SORCS2: variants seen among roughly 807,000 people sequenced by gnomAD.
The protein encoded by SORCS2 is sortilin related VPS10 domain containing receptor 2.
SORCS2 carries 100 observed loss-of-function variants against 141.6 expected under a neutral mutation model. The ratio of observed to expected loss-of-function variants is 0.71; its 90% CI spans 0.60 to 0.83. SORCS2 has a LOEUF of 0.83. Among genes scored for constraint, SORCS2 ranks in the 40% least tolerant of loss-of-function variants. The pLI is 0.00. For missense variants in SORCS2, 1,646 were observed against 1,560.2 expected (o/e 1.05, Z -0.93); for synonymous variants, 789 against 676.9 (o/e 1.17, Z -2.57).
intron 23 of SORCS2, among the ~76,000 whole-genome samples, chr4:7,732,041 A>G (rs950680329): frequency 5.9e-5 from 9 of 152,242 alleles, no homozygotes; most frequent in African/African-American, 2.2e-4. Flanking sequence ...AGATTCATGA[A>G]GCATACCTCT....
intron 2 of SORCS2, among the ~76,000 whole-genome samples, chr4:7,521,124 A>G (rs1733303952): frequency 6.6e-6 from 1 of 152,042 alleles, no homozygotes; most frequent in Non-Finnish European, 1.5e-5. Context: ...AAGTGATAGT[A>G]AGGTCTCGGT....
At chr4:7,480,978 G>A (rs188953726) in intron 2 of SORCS2, among the ~76,000 whole-genome samples, 126 of 152,362 alleles carry the variant, frequency 8.3e-4, no homozygotes, top group Admixed American at 7.0e-3. Context: ...TGAGGTGACA[G>A]GAGAGGTGGC....
At chr4:7,697,995 G>A (rs1057131921) in intron 12 of SORCS2, among the ~76,000 whole-genome samples, 1 of 152,140 alleles carries the variant, frequency 6.6e-6, no homozygotes, top group Middle Eastern at 3.2e-3. Context: ...ATGGCCCTCA[G>A]GGTGTGGAGA....
chr4:7,417,021 G>T (rs142687712), intron 2 of SORCS2, among the ~76,000 whole-genome samples: 2 of 152,274 alleles, frequency 1.3e-5, no homozygotes, highest in East Asian at 3.9e-4. Context: ...CCTGCTCTTT[G>T]CATTAAAGTG....
At chr4:7,213,712 C>T (rs1338335909) in intron 1 of SORCS2, among the ~76,000 whole-genome samples, 1 of 152,138 alleles carries the variant, frequency 6.6e-6, no homozygotes, top group Non-Finnish European at 1.5e-5. Context: ...AGAGTTCTCC[C>T]CCTGGGAACA....
intron 1 of SORCS2, among the ~76,000 whole-genome samples, chr4:7,255,863 A>T (rs1280005261): frequency 0.012 from 103 of 8,646 alleles, no homozygotes; most frequent in Admixed American, 0.072. Flanking sequence ...CCGGGGCTGG[A>T]GCGTGGGGCC....
chr4:7,413,908 G>A (rs774689529), intron 2 of SORCS2, among the ~76,000 whole-genome samples: 13 of 152,056 alleles, frequency 8.5e-5, no homozygotes, highest in African/African-American at 1.2e-4. Context: ...CCTGCCTATC[G>A]GATTGCAGGG....
chr4:7,547,405 C>T (rs1278724108), intron 3 of SORCS2, among the ~76,000 whole-genome samples: 1 of 152,220 alleles, frequency 6.6e-6, no homozygotes, highest in Non-Finnish European at 1.5e-5. Context: ...GAGCCTTTTG[C>T]CAGCCTTCTG....
At chr4:7,638,631 C>T (rs976113505) in intron 4 of SORCS2, 139 bp downstream of exon 4, 10 of 873,104 alleles carry the variant, frequency 1.1e-5, no homozygotes, top group Admixed American at 6.6e-5. Flanking sequence ...GGCTGGGGGC[C>T]GGGATGCTGG....
intron 3 of SORCS2, among the ~76,000 whole-genome samples, chr4:7,627,320 A>G (rs1187109089): frequency 6.6e-6 from 1 of 152,174 alleles, no homozygotes; most frequent in African/African-American, 2.4e-5. Context: ...TCAGCTAAGC[A>G]GAGGACAGTG....
chr4:7,227,025 C>CCACACCAG (rs1222986321), intron 1 of SORCS2, among the ~76,000 whole-genome samples: 1 of 152,224 alleles, frequency 6.6e-6, no homozygotes, highest in Non-Finnish European at 1.5e-5. Context: ...CACATTTCAT[C>CCACACCAG]CACACCAGCA....
At chr4:7,521,682 C>A (rs1472220831) in intron 2 of SORCS2, among the ~76,000 whole-genome samples, 2 of 152,230 alleles carry the variant, frequency 1.3e-5, no homozygotes, top group East Asian at 1.9e-4. Flanking sequence ...ACATCTGCAG[C>A]ACCTGTCACC....
Position 7,311,168 on chromosome 4 carries a change from G to A in SORCS2, c.481-85120G>A, listed in dbSNP as rs548895954. Among the ~76,000 whole-genome samples the A allele has an allele frequency of 1.8e-4, 27 of 152,100 alleles. No individual in the cohort carries two copies. The South Asian group carries it at 3.3e-3, about 19-fold the overall frequency. ...ATCAGTTGGCCTTTCCTAGAATTTC[G>A]TCTCTGCAGTATCCTCCTCCTTGTC... On this transcript the variant is annotated intron_variant, in intron 1 of 26. Transcript: ENST00000507866.
intron 4 of SORCS2, among the ~76,000 whole-genome samples, chr4:7,651,881 T>A (rs1721469680): frequency 6.6e-6 from 1 of 152,194 alleles, no homozygotes; most frequent in Admixed American, 6.5e-5. Context: ...GAAGGCACAT[T>A]CTTCTTAGGC....
chr4:7,716,574 C>T (rs1228489420), intron 17 of SORCS2, among the ~76,000 whole-genome samples: 1 of 151,996 alleles, frequency 6.6e-6, no homozygotes, highest in South Asian at 2.1e-4. Context: ...ATCCATTCAC[C>T]TATCCATCTA....
At chr4:7,609,483 C>G (rs1718268665) in intron 3 of SORCS2, among the ~76,000 whole-genome samples, 1 of 152,196 alleles carries the variant, frequency 6.6e-6, no homozygotes, top group Non-Finnish European at 1.5e-5. Context: ...TCAGACCCTC[C>G]TCTGTGACCT....
At chr4:7,541,656 A>G (rs1712670893) in intron 3 of SORCS2, among the ~76,000 whole-genome samples, 1 of 152,180 alleles carries the variant, frequency 6.6e-6, no homozygotes, top group Admixed American at 6.5e-5. Context: ...CATCAGAACC[A>G]TCTGCGGACA....
At chr4:7,436,023 G>GC (rs1727275280) in intron 2 of SORCS2, among the ~76,000 whole-genome samples, 1 of 152,264 alleles carries the variant, frequency 6.6e-6, no homozygotes, top group African/African-American at 2.4e-5. Flanking sequence ...CATGAGGAAT[G>GC]CAATAGTGCA....
At chr4:7,271,337 G>A (rs928593471) in intron 1 of SORCS2, among the ~76,000 whole-genome samples, 1 of 152,150 alleles carries the variant, frequency 6.6e-6, no homozygotes, top group Non-Finnish European at 1.5e-5. Flanking sequence ...TTCCTATTCA[G>A]CCTCATCTCC....
Sources: allele counts gnomAD v4.1 joint callset (sites outside exome capture counted in the v4.1 genomes callset), GRCh38; gene constraint gnomAD v4.1.1; transcripts MANE v1.5; gene names NCBI Gene and HGNC (gene_info 2026-07-23, HGNC 2026-07-21).